Variants in CLASP1 observed in about 807,000 individuals in gnomAD.
CLASP1 encodes the protein cytoplasmic linker associated protein 1, also known as CLIP-associating protein 1.
A neutral mutation model predicts 192.3 loss-of-function variants in CLASP1; 38 were observed. That is an observed-to-expected ratio of 0.20 (90% CI 0.15 to 0.26). The LOEUF (loss-of-function observed/expected upper bound fraction) is 0.26, where lower values mean the gene tolerates loss of function less well. Ranked by LOEUF, CLASP1 falls within the 10% of genes least tolerant of loss-of-function variation. The pLI is 1.00. For synonymous variants in CLASP1, 691 were observed against 712.8 expected, an observed-to-expected ratio of 0.97 and a Z score of 0.49; for missense variants, 1,433 against 1,932.5, an observed-to-expected ratio of 0.74 and a Z score of 4.85.
Position 121,461,206 on chromosome 2 carries a change from T to A in CLASP1, c.940-13A>T. 2.8e-6 allele frequency: 4 copies of A among 1,439,966 alleles called. No individual in the cohort carries two copies. Among genetic ancestry groups the A allele is most frequent in the Non-Finnish European group, 3.8e-6 (4 of 1,040,920 alleles). The allele number at this position is 1,439,966 out of a possible 1,614,324, so 89.2% of individuals were successfully genotyped here. A position where few individuals can be genotyped will look rare whatever the true frequency, so the allele number is the denominator to read the frequency against. ...GGCTGGAATAAATCTGTAAGCAAAA[T>A]TAATTTACAATCAATATAAAAACAT... On this transcript the variant is annotated splice_polypyrimidine_tract_variant and intron_variant, in intron 10 of 39. Transcript: ENST00000263710.
chr2:121,404,667 C>T (rs988452763), intron 25 of CLASP1, among the ~76,000 whole-genome samples: 4 of 152,058 alleles, frequency 2.6e-5, no homozygotes, highest in African/African-American at 4.8e-5. Context: ...TTACATAATT[C>T]GTATCTACAT....
intron 1 of CLASP1, among the ~76,000 whole-genome samples, chr2:121,628,612 G>T (rs2068835193): frequency 6.6e-6 from 1 of 150,452 alleles, no homozygotes; most frequent in Non-Finnish European, 1.5e-5. Flanking sequence ...GGAAGCAGAG[G>T]TTGCACAGTC....
intron 8 of CLASP1, among the ~76,000 whole-genome samples, chr2:121,501,412 T>C (rs1474843962): frequency 6.6e-6 from 1 of 152,042 alleles, no homozygotes; most frequent in Non-Finnish European, 1.5e-5. Context: ...GCTCTACCAA[T>C]GATATGTTTT....
At chr2:121,535,389 AG>A (rs2095037267) in intron 2 of CLASP1, among the ~76,000 whole-genome samples, 1 of 152,242 alleles carries the variant, frequency 6.6e-6, no homozygotes, top group Non-Finnish European at 1.5e-5. Context: ...AAAGTTACAT[AG>A]GTTAAACAAA....
chr2:121,478,791 C>T (rs2092110688), intron 8 of CLASP1, among the ~76,000 whole-genome samples: 3 of 96,018 alleles, frequency 3.1e-5, no homozygotes, highest in African/African-American at 1.2e-4. Context: ...ACCCCACACA[C>T]ACCACACACC....
At chr2:121,627,174 G>A (rs1297546523) in intron 1 of CLASP1, among the ~76,000 whole-genome samples, 1 of 152,166 alleles carries the variant, frequency 6.6e-6, no homozygotes, top group African/African-American at 2.4e-5. Context: ...CAGGAAAAGA[G>A]GAGAAACAAC....
At chr2:121,360,944 T>A (rs1340087417) in intron 37 of CLASP1, among the ~76,000 whole-genome samples, 2 of 152,018 alleles carry the variant, frequency 1.3e-5, no homozygotes, top group African/African-American at 2.4e-5. Context: ...GAATTTTCTC[T>A]CCTAAATTTC....
chr2:121,577,136 A>C (rs779514204), intron 2 of CLASP1, among the ~76,000 whole-genome samples: 40 of 152,192 alleles, frequency 2.6e-4, no homozygotes, highest in Admixed American at 5.9e-4. Context: ...CAGATGAAAC[A>C]AAAGCAGCAG....
chr2:121,449,222 TCA>T (rs1313463308), intron 16 of CLASP1, 102 bp from the exon 17 acceptor site: 71 of 985,780 alleles, frequency 7.2e-5, no homozygotes, highest in Non-Finnish European at 8.8e-5. Flanking sequence ...ACTGGAAGCC[TCA>T]GTTTAGCCGC....
At chr2:121,401,048 G>GC (rs1004411846) in intron 28 of CLASP1, among the ~76,000 whole-genome samples, 1 of 152,132 alleles carries the variant, frequency 6.6e-6, no homozygotes, top group Non-Finnish European at 1.5e-5. Context: ...CACAACTACT[G>GC]CAAATGTGCT....
intron 1 of CLASP1, among the ~76,000 whole-genome samples, chr2:121,640,077 G>A (rs2071738029): frequency 6.6e-6 from 1 of 152,058 alleles, no homozygotes; most frequent in South Asian, 2.1e-4. Context: ...GTAGGGACAC[G>A]GATGAAGCTG....
intron 18 of CLASP1, 82 bp downstream of exon 18, chr2:121,448,194 C>T (rs2084731529): frequency 7.9e-7 from 1 of 1,258,962 alleles, no homozygotes; most frequent in African/African-American, 1.5e-5. Flanking sequence ...CGTTGGCCTC[C>T]TGTGCCTGGG....
At chr2:121,453,129 A>T (rs769597254) in intron 14 of CLASP1, among the ~76,000 whole-genome samples, 2 of 152,034 alleles carry the variant, frequency 1.3e-5, no homozygotes, top group Admixed American at 6.6e-5. Flanking sequence ...TCTACAAAAA[A>T]TTTTTTTAAA....
At chr2:121,353,705 A>T (rs2064906123) in intron 37 of CLASP1, among the ~76,000 whole-genome samples, 2 of 152,184 alleles carry the variant, frequency 1.3e-5, no homozygotes, top group South Asian at 4.1e-4. Flanking sequence ...TTCTATTCCC[A>T]TGACTGGCAC....
intron 30 of CLASP1, 60 bp from the exon 32 acceptor site, chr2:121,387,966 T>C: frequency 7.9e-7 from 1 of 1,266,102 alleles, no homozygotes; most frequent in Non-Finnish European, 1.1e-6. Flanking sequence ...AAATGTTGAT[T>C]AAAGTTGTTT....
chr2:121,537,113 C>T (rs537900786), intron 2 of CLASP1, among the ~76,000 whole-genome samples: 3 of 152,074 alleles, frequency 2.0e-5, no homozygotes, highest in South Asian at 2.1e-4. Context: ...AATAAAAGGC[C>T]GGGCACAGTG....
exon 35 of CLASP1, chr2:121,367,706 G>A (rs773791218): frequency 6.2e-7 from 1 of 1,614,032 alleles, no homozygotes; most frequent in Non-Finnish European, 8.5e-7. Context: ...GCGGCCCCGG[G>A]AAGGCGCGCG....
At chr2:121,456,952 C>T (rs2086793372) in intron 14 of CLASP1, among the ~76,000 whole-genome samples, 1 of 152,196 alleles carries the variant, frequency 6.6e-6, no homozygotes, top group African/African-American at 2.4e-5. Flanking sequence ...AAAACCTACA[C>T]AAAACTATTC....
At chr2:121,428,354 C>G (rs1035761936) in intron 20 of CLASP1, among the ~76,000 whole-genome samples, 1 of 152,238 alleles carries the variant, frequency 6.6e-6, no homozygotes, top group South Asian at 2.1e-4. Flanking sequence ...CAACCCTCAA[C>G]CCCCACAGAG....
Sources: gnomAD v4.1 joint callset for allele counts (sites outside exome capture counted in the v4.1 genomes callset) on GRCh38, gnomAD v4.1.1 for gene constraint, MANE v1.5 for transcripts, NCBI Gene and HGNC (gene_info 2026-07-23, HGNC 2026-07-21) for gene names.